Variants in NTRK2 observed in about 807,000 individuals in gnomAD.
NTRK2 encodes BDNF/NT-3 growth factors receptor.
In NTRK2, 13 loss-of-function variants were observed where a neutral mutation model predicts 94.5. That is an observed-to-expected ratio of 0.14 (90% CI 0.09 to 0.22). NTRK2 has a LOEUF of 0.22. Among genes scored for constraint, NTRK2 ranks in the 10% least tolerant of loss-of-function variants. The probability of loss-of-function intolerance (pLI) is 1.00; values close to 1 mark genes in which losing one functional copy is unlikely to be tolerated. For synonymous variants in NTRK2, 372 were observed against 407.4 expected (o/e 0.91, Z 1.05); for missense variants, 639 against 1,071.2 (o/e 0.60, Z 5.63).
rs147409656 is a variant in NTRK2 at position 84,706,139 on chromosome 9, A to G, written c.360-1705A>G. 2.0e-5 allele frequency among the ~76,000 whole-genome samples: 3 copies of G among 152,154 alleles called. No homozygotes were observed. In the South Asian group the frequency reaches 6.2e-4, roughly 31 times the overall value. ...CAAAAGAAGAGACCTATGTGGGCAC[A>G]TTTTACAACTTCCTGGTGGATTATT... On this transcript the variant is annotated intron_variant, in intron 4 of 18. Transcript: ENST00000277120.
At chr9:84,724,179 A>T in intron 7 of NTRK2, 45 bp from the exon 8 acceptor site, 1 of 1,611,024 alleles carries the variant, frequency 6.2e-7, no homozygotes, top group Non-Finnish European at 8.5e-7. Context: ...TCACTTTGGG[A>T]TCAATCCTAA....
chr9:84,850,358 A>T (rs1319748469), intron 12 of NTRK2, among the ~76,000 whole-genome samples: 1 of 152,230 alleles, frequency 6.6e-6, no homozygotes. Flanking sequence ...TCAGGTGATC[A>T]ATGAATAGTT....
chr9:85,014,212 T>C (rs776023286), intron 17 of NTRK2, among the ~76,000 whole-genome samples: 12 of 152,026 alleles, frequency 7.9e-5, no homozygotes, highest in Non-Finnish European at 1.6e-4. Context: ...AGGGGCAGTA[T>C]GGAGACGAAT....
chr9:84,883,300 C>T (rs938532917), intron 14 of NTRK2, among the ~76,000 whole-genome samples: 16 of 152,190 alleles, frequency 1.1e-4, no homozygotes, highest in Admixed American at 2.0e-4. Context: ...TCCCTGAGGA[C>T]AGGCTTGTAC....
At position 84,948,443 on chromosome 9, in the gene NTRK2, T is replaced by C. The variant is rs199721363; in HGVS notation, c.1765-19T>C. 30 of 1,613,540 alleles carry C rather than the reference T, an allele frequency of 1.9e-5. No individual in the cohort carries two copies. The highest frequency in any genetic ancestry group is 2.5e-5 in the Non-Finnish European group (29 of 1,179,700). On this transcript the variant is annotated intron_variant, in intron 15 of 18. Coordinates refer to ENST00000277120, the MANE Select transcript of NTRK2 (RefSeq NM_006180.6). ...AGGGCCCACTGAAGTAATCCTTCTC[T>C]TTTAACACCCATCCCCAGACCCTGA...
At chr9:84,877,646 T>C (rs2076118826) in intron 14 of NTRK2, 1 of 1,064,888 alleles carries the variant, frequency 9.4e-7, no homozygotes, top group Non-Finnish European at 1.1e-6. Flanking sequence ...TGTTGATTGC[T>C]AAATGTTGCC....
chr9:84,860,901 T>G (rs1433460116), intron 12 of NTRK2, 139 bp from the exon 13 acceptor site: 7 of 285,284 alleles, frequency 2.5e-5, no homozygotes, highest in Non-Finnish European at 3.2e-5. Flanking sequence ...GTTTATTTAT[T>G]TATTTATTTA....
intron 12 of NTRK2, among the ~76,000 whole-genome samples, chr9:84,835,287 T>C (rs1023651124): frequency 3.9e-5 from 6 of 152,110 alleles, no homozygotes; most frequent in African/African-American, 1.4e-4. Flanking sequence ...TGCCCCTTCA[T>C]CATTATCAAT....
chr9:84,792,866 T>C (rs2068868760), intron 12 of NTRK2, among the ~76,000 whole-genome samples: 1 of 152,216 alleles, frequency 6.6e-6, no homozygotes, highest in Non-Finnish European at 1.5e-5. Flanking sequence ...CTAGTCACAC[T>C]ATAAAATAGA....
At chr9:84,789,790 C>G (rs1253007544) in intron 12 of NTRK2, among the ~76,000 whole-genome samples, 4 of 152,184 alleles carry the variant, frequency 2.6e-5, no homozygotes, top group African/African-American at 9.6e-5. Context: ...CCTAAGCTTT[C>G]TGATCCCTTT....
At chr9:84,950,881 G>A (rs1323216138) in intron 16 of NTRK2, among the ~76,000 whole-genome samples, 1 of 152,172 alleles carries the variant, frequency 6.6e-6, no homozygotes, top group East Asian at 1.9e-4. Flanking sequence ...CTGAAATCCT[G>A]GGGAAGTGGC....
intron 6 of NTRK2, among the ~76,000 whole-genome samples, chr9:84,722,006 TAGA>T (rs1402937478): frequency 1.3e-5 from 2 of 152,132 alleles, no homozygotes; most frequent in African/African-American, 4.8e-5. Flanking sequence ...TTAATTGTCA[TAGA>T]AGTTGTGAAG....
chr9:84,692,468 CTTTTTTTTTTTTT>C (rs71369138), intron 2 of NTRK2, among the ~76,000 whole-genome samples: 1 of 87,694 alleles, frequency 1.1e-5, no homozygotes, highest in Non-Finnish European at 2.1e-5. Flanking sequence ...TTCTTTTTTT[CTTTTTTTTTTTTT>C]TTTTTTTGAG....
chr9:84,949,354 GGAAGAGAAAATGTT>G (rs2078701493), intron 16 of NTRK2, among the ~76,000 whole-genome samples: 1 of 152,222 alleles, frequency 6.6e-6, no homozygotes, highest in Non-Finnish European at 1.5e-5. Context: ...GGCAAGGCAA[GGAAGAGAAAATGTT>G]GACTATAAAG....
At chr9:84,923,508 C>A (rs1482800757) in intron 14 of NTRK2, among the ~76,000 whole-genome samples, 1 of 152,194 alleles carries the variant, frequency 6.6e-6, no homozygotes, top group African/African-American at 2.4e-5. Flanking sequence ...TGAATAACCA[C>A]TGGTGTGATT....
intron 12 of NTRK2, among the ~76,000 whole-genome samples, chr9:84,755,524 T>TC (rs2065003859): frequency 8.2e-6 from 1 of 121,298 alleles, no homozygotes; most frequent in Non-Finnish European, 1.7e-5. Context: ...AAGTCCCACC[T>TC]CTTTTTTTTT....
At chr9:84,986,378 T>C (rs899121442) in intron 17 of NTRK2, among the ~76,000 whole-genome samples, 2 of 152,204 alleles carry the variant, frequency 1.3e-5, no homozygotes, top group African/African-American at 2.4e-5. Flanking sequence ...AGCTAGATTC[T>C]CATAAGGAGT....
At chr9:84,752,171 G>A (rs1386019235) in intron 12 of NTRK2, 86 bp downstream of exon 12, 2 of 1,043,206 alleles carry the variant, frequency 1.9e-6, no homozygotes, top group Non-Finnish European at 3.0e-6. Context: ...GAAGGAAGTG[G>A]CTAGATTTAT....
chr9:84,714,681 A>T (rs1057304003), intron 6 of NTRK2, among the ~76,000 whole-genome samples: 4 of 152,222 alleles, frequency 2.6e-5, no homozygotes, highest in African/African-American at 9.6e-5. Context: ...ATACGCCAAT[A>T]TCTTCAAGTT....
Sources: allele counts gnomAD v4.1 joint callset (sites outside exome capture counted in the v4.1 genomes callset), GRCh38; gene constraint gnomAD v4.1.1; transcripts MANE v1.5; gene names NCBI Gene and HGNC (gene_info 2026-07-23, HGNC 2026-07-21).